CFAP91: variants seen among roughly 807,000 people sequenced by gnomAD.
The protein encoded by CFAP91 is cilia and flagella associated protein 91.
In CFAP91, 85 loss-of-function variants were observed where a neutral mutation model predicts 95.9. That is an observed-to-expected ratio of 0.89 (90% confidence interval 0.74 to 1.06). The LOEUF is 1.06. Ranked by LOEUF, CFAP91 falls within the 50% of genes least tolerant of loss-of-function variation. CFAP91 has a pLI of 0.00. For missense variants in CFAP91, 962 were observed against 943.4 expected (o/e 1.02, Z -0.26); for synonymous variants, 335 against 327.5 (o/e 1.02, Z -0.25).
Position 119,738,332 on chromosome 3 carries a change from C to CTTTTTTTT in CFAP91, c.1461+877_1461+884dup, listed in dbSNP as rs556125660. Among the ~76,000 whole-genome samples, 100 of 23,066 alleles carry CTTTTTTTT rather than the reference C, an allele frequency of 4.3e-3. 30 individuals carry two copies. Among genetic ancestry groups the CTTTTTTTT allele is most frequent in the East Asian group, 0.018 (9 of 498 alleles). 15.1% of individuals were successfully genotyped at this position (23,066 alleles called of 152,430 possible). A position where few individuals can be genotyped will look rare whatever the true frequency, so the allele number is the denominator to read the frequency against. Reference sequence around the variant, plus strand: ...TGCAGGGCTTTGGTTGACATATTGTCTTTTTTTTTTTTTTTTTTTTTTTTT... The same window carrying CTTTTTTTT: ...TGCAGGGCTTTGGTTGACATATTGTCTTTTTTTTTTTTTTTTTTTTTTTTTTTTTTTTT... On this transcript the variant is annotated intron_variant, in intron 11 of 17. Coordinates refer to ENST00000273390, the MANE Select transcript of CFAP91 (RefSeq NM_033364.4).
chr3:119,754,432 A>G (rs1485198144), intron 17 of CFAP91, among the ~76,000 whole-genome samples: 1 of 152,256 alleles, frequency 6.6e-6, no homozygotes, highest in East Asian at 1.9e-4. Context: ...GAAAATTCTT[A>G]GCCTATTTAT....
At chr3:119,750,389 ACCCT>A in intron 16 of CFAP91, 1 of 158,054 alleles carries the variant, frequency 6.3e-6, no homozygotes, top group South Asian at 1.8e-4. Flanking sequence ...TTAGGTGCTT[ACCCT>A]GATAGTGAAT....
At chr3:119,710,409 A>G (rs1052278999) in intron 5 of CFAP91, 1 of 154,006 alleles carries the variant, frequency 6.5e-6, no homozygotes, top group East Asian at 1.9e-4. Context: ...GTGGAAGGCC[A>G]AAAAGGACCT....
chr3:119,720,730 T>C (rs1415262518), intron 6 of CFAP91, among the ~76,000 whole-genome samples: 1 of 152,206 alleles, frequency 6.6e-6, no homozygotes, highest in African/African-American at 2.4e-5. Flanking sequence ...TTAGTATTGG[T>C]AGCACATTGA....
At chr3:119,759,214 C>T (rs2054488818) in intron 17 of CFAP91, among the ~76,000 whole-genome samples, 1 of 151,892 alleles carries the variant, frequency 6.6e-6, no homozygotes, top group Non-Finnish European at 1.5e-5. Flanking sequence ...AAATAATCCA[C>T]AGTATGAATT....
chr3:119,733,312 A>G, intron 9 of CFAP91, 52 bp from the exon 10 acceptor site: 1 of 1,584,336 alleles, frequency 6.3e-7, no homozygotes, highest in Non-Finnish European at 8.6e-7. Context: ...TATACCTTAA[A>G]AATAATAAAC....
At chr3:119,705,766 G>A (rs9847068) in intron 1 of CFAP91, among the ~76,000 whole-genome samples, 89,736 of 152,004 alleles carry the variant, frequency 0.59, 29,740 homozygotes, top group East Asian at 0.81. Context: ...GATTTTTGTC[G>A]TTTTGTTGAT....
intron 7 of CFAP91, among the ~76,000 whole-genome samples, chr3:119,727,591 C>G (rs776685317): frequency 2.8e-4 from 43 of 152,090 alleles, no homozygotes; most frequent in Non-Finnish European, 5.7e-4. Context: ...ACTGCTCTTC[C>G]TGACAGAGCT....
At chr3:119,733,005 C>T (rs917257497) in intron 9 of CFAP91, among the ~76,000 whole-genome samples, 1 of 152,160 alleles carries the variant, frequency 6.6e-6, no homozygotes, top group African/African-American at 2.4e-5. Flanking sequence ...TCTGGCTGGC[C>T]ATCTCCAGAG....
intron 11 of CFAP91, 83 bp downstream of exon 11, chr3:119,737,565 T>C: frequency 1.2e-6 from 1 of 836,522 alleles, no homozygotes; most frequent in Non-Finnish European, 1.9e-6. Context: ...TTAAAGCAAA[T>C]CTAATTTAGC....
rs2054308275 is a variant in CFAP91, at chr3:119,750,650, AGAG to A, written c.2144-283_2144-281del. ...GTGGTAAATCTGGGCTGATGTAGTC[AGAG>A]GAGACTTCCTGGAGGATCTTGGACA... is the stretch of plus-strand genomic sequence containing the variant. On this transcript the variant is annotated intron_variant, in intron 16 of 17. Coordinates refer to ENST00000273390, the MANE Select transcript of CFAP91 (RefSeq NM_033364.4). The A allele has an allele frequency of 5.3e-5, 23 of 434,232 alleles. 1 individual carries two copies. In the South Asian group the frequency reaches 5.3e-4, roughly 10 times the overall value. The allele number at this position is 434,232 out of a possible 1,614,324, so 26.9% of individuals were successfully genotyped here. A position where few individuals can be genotyped will look rare whatever the true frequency, so the allele number is the denominator to read the frequency against.
chr3:119,730,655 G>C (rs2053879864), intron 8 of CFAP91, among the ~76,000 whole-genome samples: 1 of 141,512 alleles, frequency 7.1e-6, no homozygotes, highest in Admixed American at 7.1e-5. Flanking sequence ...TGTGTGGTGG[G>C]ATAAGTGTTG....
chr3:119,753,325 A>G (rs1453291630), intron 17 of CFAP91, among the ~76,000 whole-genome samples: 3 of 152,178 alleles, frequency 2.0e-5, no homozygotes, highest in Middle Eastern at 3.2e-3. Context: ...CTAAAAGTCT[A>G]TGCCCTAGTG....
chr3:119,714,203 A>C (rs2053530162), intron 5 of CFAP91, among the ~76,000 whole-genome samples: 2 of 151,626 alleles, frequency 1.3e-5, no homozygotes, highest in East Asian at 1.9e-4. Context: ...TCTACTAAAA[A>C]TACAAAAAAA....
At chr3:119,759,173 TATG>T (rs1353849274) in intron 17 of CFAP91, among the ~76,000 whole-genome samples, 3 of 151,990 alleles carry the variant, frequency 2.0e-5, no homozygotes, top group African/African-American at 7.2e-5. Context: ...ATCTCACAAA[TATG>T]ATAAGTACCA....
intron 1 of CFAP91, chr3:119,706,494 T>G: frequency 8.4e-6 from 2 of 237,844 alleles, no homozygotes; most frequent in South Asian, 9.5e-5. Flanking sequence ...TCAAAAGGAG[T>G]TTTGTTCATA....
intron 13 of CFAP91, among the ~76,000 whole-genome samples, chr3:119,743,275 G>T (rs939644114): frequency 6.6e-6 from 1 of 151,642 alleles, no homozygotes; most frequent in African/African-American, 2.4e-5. Context: ...GCACCACCAC[G>T]ACTGGCTAAT....
At chr3:119,716,933 A>G (rs1393997425) in intron 6 of CFAP91, among the ~76,000 whole-genome samples, 1 of 152,218 alleles carries the variant, frequency 6.6e-6, no homozygotes, top group Non-Finnish European at 1.5e-5. Flanking sequence ...TCAGGCCTAG[A>G]TGGCAAATTA....
At chr3:119,756,082 A>G (rs937409762) in intron 17 of CFAP91, among the ~76,000 whole-genome samples, 3 of 152,168 alleles carry the variant, frequency 2.0e-5, no homozygotes, top group Non-Finnish European at 4.4e-5. Context: ...TGTTTTCAAG[A>G]AGACTTCTTA....
Sources: allele counts gnomAD v4.1 joint callset (sites outside exome capture counted in the v4.1 genomes callset), GRCh38; gene constraint gnomAD v4.1.1; transcripts MANE v1.5; gene names NCBI Gene and HGNC (gene_info 2026-07-23, HGNC 2026-07-21).